CTIF: variants seen among roughly 807,000 people sequenced by gnomAD.
CTIF encodes the protein CBP80/20-dependent translation initiation factor.
Under a neutral mutation model 66.0 loss-of-function variants are expected in CTIF, and 21 were observed. That is an observed-to-expected ratio of 0.32 (90% CI 0.23 to 0.46). The LOEUF (loss-of-function observed/expected upper bound fraction) is 0.46, where lower values mean the gene tolerates loss of function less well. Among genes scored for constraint, CTIF ranks in the 20% least tolerant of loss-of-function variants. The pLI, the probability that CTIF is intolerant of heterozygous loss-of-function variation, is 1.00. For synonymous variants in CTIF, 345 were observed against 326.4 expected, an observed-to-expected ratio of 1.06 and a Z score of -0.62; for missense variants, 739 against 812.7, an observed-to-expected ratio of 0.91 and a Z score of 1.10.
rs570635725 is a variant in CTIF, at chr18:48,791,361, A to G, written c.1372-25860A>G. Among the ~76,000 whole-genome samples, 343 of 152,274 alleles carry G rather than the reference A, an allele frequency of 2.3e-3. 1 individual carries two copies. Among genetic ancestry groups the G allele is most frequent in the African/African-American group, 7.9e-3 (330 of 41,546 alleles). ...TAAGTCATTTTCATGGTTTCACTTCATTTTCTTTTTTCATTTCCTTCCTTC... is the reference window on the plus strand; with the variant it reads ...TAAGTCATTTTCATGGTTTCACTTCGTTTTCTTTTTTCATTTCCTTCCTTC... On this transcript the variant is annotated intron_variant, in intron 9 of 11. Transcript: ENST00000256413.
chr18:48,715,518 C>G (rs370149635), intron 7 of CTIF, among the ~76,000 whole-genome samples: 17 of 152,282 alleles, frequency 1.1e-4, no homozygotes, highest in East Asian at 3.9e-4. Context: ...TCGTTCCCCC[C>G]CTTTTCTCAA....
At chr18:48,608,806 A>G (rs2090254338) in intron 1 of CTIF, among the ~76,000 whole-genome samples, 3 of 152,128 alleles carry the variant, frequency 2.0e-5, no homozygotes, top group African/African-American at 7.2e-5. Context: ...GCTGGTCTGT[A>G]GTTCAGGGAG....
chr18:48,556,767 G>T (rs2145582167), intron 1 of CTIF, among the ~76,000 whole-genome samples: 2 of 152,252 alleles, frequency 1.3e-5, no homozygotes, highest in South Asian at 4.2e-4. Flanking sequence ...GTTTCACCAT[G>T]TTGGCCAGGC....
At chr18:48,680,093 G>T (rs550139490) in intron 6 of CTIF, among the ~76,000 whole-genome samples, 1 of 152,204 alleles carries the variant, frequency 6.6e-6, no homozygotes, top group African/African-American at 2.4e-5. Flanking sequence ...GTGGGACAGG[G>T]CCTGACTGAG....
chr18:48,743,183 G>A (rs951513124), intron 7 of CTIF, among the ~76,000 whole-genome samples: 13 of 152,140 alleles, frequency 8.5e-5, no homozygotes, highest in Admixed American at 7.2e-4. Context: ...CAGAGTTCTC[G>A]TGTGGCAGCT....
intron 10 of CTIF, among the ~76,000 whole-genome samples, chr18:48,852,737 A>G (rs371866406): frequency 6.6e-5 from 10 of 152,342 alleles, no homozygotes; most frequent in African/African-American, 2.4e-4. Context: ...AAAATAGTAT[A>G]GCAACTAGTG....
At chr18:48,849,868 G>T (rs1449089560) in intron 10 of CTIF, among the ~76,000 whole-genome samples, 2 of 152,164 alleles carry the variant, frequency 1.3e-5, no homozygotes, top group South Asian at 4.1e-4. Flanking sequence ...ACAGGCGTGA[G>T]CCACCGTGCC....
At chr18:48,774,083 G>C (rs1311690131) in intron 9 of CTIF, among the ~76,000 whole-genome samples, 2 of 152,198 alleles carry the variant, frequency 1.3e-5, no homozygotes, top group African/African-American at 2.4e-5. Context: ...GGAACACACA[G>C]AGTGCACGGC....
intron 7 of CTIF, among the ~76,000 whole-genome samples, chr18:48,721,233 G>A (rs16949874): frequency 0.019 from 2,866 of 152,310 alleles, 80 homozygotes; most frequent in African/African-American, 0.066. Flanking sequence ...GGACGTAGGG[G>A]CACATGTCTA....
chr18:48,812,504 T>C (rs1489008538), intron 9 of CTIF, among the ~76,000 whole-genome samples: 1 of 152,182 alleles, frequency 6.6e-6, no homozygotes, highest in Admixed American at 6.5e-5. Context: ...CTGTCTTTTG[T>C]TCCTTCGTAG....
intron 10 of CTIF, among the ~76,000 whole-genome samples, chr18:48,853,257 C>A (rs1485773669): frequency 6.6e-6 from 1 of 152,076 alleles, no homozygotes; most frequent in African/African-American, 2.4e-5. Flanking sequence ...TCAGGGGCCG[C>A]AGAAAAGGGT....
At chr18:48,805,945 A>G (rs2068138253) in intron 9 of CTIF, among the ~76,000 whole-genome samples, 1 of 152,208 alleles carries the variant, frequency 6.6e-6, no homozygotes, top group Admixed American at 6.5e-5. Context: ...ATTCCAGGGG[A>G]CATGAAGATG....
Position 48,722,206 on chromosome 18 carries a change from C to CTTTT in CTIF, c.584+10532_584+10535dup, listed in dbSNP as rs34736291. 5.0e-3 allele frequency among the ~76,000 whole-genome samples: 403 copies of CTTTT among 81,066 alleles called. 1 individual carries two copies. Among genetic ancestry groups the CTTTT allele is most frequent in the East Asian group, 7.9e-3 (23 of 2,924 alleles). The allele number at this position is 81,066 out of a possible 152,430, so 53.2% of individuals were successfully genotyped here. ...TAAGCCTCATACTCCTGGCCCTGTG[C>CTTTT]TTTTTTTTTTTTTTTTTTTTTTTTG... On this transcript the variant is annotated intron_variant, in intron 7 of 11. Transcript: ENST00000256413.
At position 48,860,272 on chromosome 18, in the gene CTIF, A is replaced by G. The variant is rs1036936268; in HGVS notation, c.*713A>G. The G allele has an allele frequency of 1.7e-5, 5 of 302,010 alleles. No individual in the cohort carries two copies. The highest frequency in any genetic ancestry group is 3.3e-5 in the Non-Finnish European group (5 of 152,612). The allele number at this position is 302,010 out of a possible 1,614,324, so 18.7% of individuals were successfully genotyped here. On this transcript the variant is annotated 3_prime_UTR_variant, in exon 12 of 12. Transcript: ENST00000256413. ...TGTTTATTGTGTTTTATTTTTCAAA[A>G]GTCGGTTGCTTTGAAGTCTCTTTGG...
At chr18:48,789,647 C>T (rs192541428) in intron 9 of CTIF, among the ~76,000 whole-genome samples, 1 of 152,234 alleles carries the variant, frequency 6.6e-6, no homozygotes, top group East Asian at 1.9e-4. Context: ...AAATTGGTCT[C>T]TAGAGTCAAC....
chr18:48,788,155 G>T (rs376981142), intron 9 of CTIF, among the ~76,000 whole-genome samples: 1 of 152,200 alleles, frequency 6.6e-6, no homozygotes, highest in South Asian at 2.1e-4. Flanking sequence ...TTAGGCTGGG[G>T]GGAGAAGAAA....
intron 7 of CTIF, among the ~76,000 whole-genome samples, chr18:48,726,199 G>A (rs1445577705): frequency 6.6e-6 from 1 of 152,148 alleles, no homozygotes; most frequent in African/African-American, 2.4e-5. Flanking sequence ...TTATAGTTGT[G>A]GATATGTACG....
intron 9 of CTIF, among the ~76,000 whole-genome samples, chr18:48,770,979 G>T (rs972569962): frequency 6.6e-6 from 1 of 151,872 alleles, no homozygotes; most frequent in South Asian, 2.1e-4. Context: ...CCTCAGTCTT[G>T]GGCAGCATTT....
At chr18:48,682,760 A>G (rs892145270) in intron 6 of CTIF, among the ~76,000 whole-genome samples, 1 of 152,184 alleles carries the variant, frequency 6.6e-6, no homozygotes, top group African/African-American at 2.4e-5. Flanking sequence ...GACTCCAGCA[A>G]CTGCTCCTGT....
Sources: gnomAD v4.1 joint callset for allele counts (sites outside exome capture counted in the v4.1 genomes callset) on GRCh38, gnomAD v4.1.1 for gene constraint, MANE v1.5 for transcripts, NCBI Gene and HGNC (gene_info 2026-07-23, HGNC 2026-07-21) for gene names.